The following ARHGAP24 variants were observed in gnomAD, a reference collection of about 807,000 sequenced individuals.
ARHGAP24 encodes Rho GTPase activating protein 24.
Under a neutral mutation model 76.4 loss-of-function variants are expected in ARHGAP24, and 50 were observed. The observed-to-expected ratio is 0.65, with a 90% confidence interval of 0.52 to 0.83. The LOEUF (loss-of-function observed/expected upper bound fraction) is 0.83, where lower values mean the gene tolerates loss of function less well. Among genes scored for constraint, ARHGAP24 ranks in the 40% least tolerant of loss-of-function variants. ARHGAP24 has a pLI of 0.00. For missense variants in ARHGAP24, 930 were observed against 914.2 expected, an observed-to-expected ratio of 1.02 and a Z score of -0.22; for synonymous variants, 345 against 323.3, an observed-to-expected ratio of 1.07 and a Z score of -0.72.
At chr4:85,678,067 T>A (rs534361993) in intron 2 of ARHGAP24, among the ~76,000 whole-genome samples, 1 of 149,356 alleles carries the variant, frequency 6.7e-6, no homozygotes, top group Admixed American at 6.7e-5. Flanking sequence ...AGGAAAAAAA[T>A]TTTAAAAAAA....
In ARHGAP24 at chr4:85,477,443, G is replaced by A. The variant is rs532290183; in HGVS notation, c.-21+1884G>A. Among the ~76,000 whole-genome samples, 13 of 152,328 alleles carry A rather than the reference G, an allele frequency of 8.5e-5. No individual in the cohort carries two copies. The South Asian group carries it at 2.3e-3, about 27-fold the overall frequency. On this transcript the variant is annotated intron_variant, in intron 1 of 9. Transcript: ENST00000395184. ...AATCCACTGCAGAACAAATGGCAATGCATTCTTCCAGACTAGAACATAGAT... is the reference window on the plus strand; with the variant it reads ...AATCCACTGCAGAACAAATGGCAATACATTCTTCCAGACTAGAACATAGAT...
Position 85,929,128 on chromosome 4 carries a change from A to T in ARHGAP24, c.391+5358A>T, listed in dbSNP as rs1348725395. Among the ~76,000 whole-genome samples the T allele has an allele frequency of 2.0e-5, 3 of 152,212 alleles. No homozygotes were observed. The East Asian group carries it at 5.8e-4, about 29-fold the overall frequency. ...TTCCCTGTAGATCAGTGTTCAGGTC[A>T]GTGGATTTTTCTATTGGCTGAAGTG... On this transcript the variant is annotated intron_variant, in intron 4 of 9. Coordinates refer to ENST00000395184, the MANE Select transcript of ARHGAP24 (RefSeq NM_001025616.3).
intron 2 of ARHGAP24, among the ~76,000 whole-genome samples, chr4:85,691,866 T>C (rs537854709): frequency 2.4e-4 from 36 of 152,342 alleles, no homozygotes; most frequent in Admixed American, 2.3e-3. Context: ...ATGTAAAGTT[T>C]TGATCCTGTC....
chr4:85,906,296 G>A (rs563763928), intron 3 of ARHGAP24, among the ~76,000 whole-genome samples: 1 of 152,284 alleles, frequency 6.6e-6, no homozygotes, highest in Non-Finnish European at 1.5e-5. Context: ...GGACACCCAT[G>A]TCATATGGCT....
intron 1 of ARHGAP24, among the ~76,000 whole-genome samples, chr4:85,502,529 T>C (rs540576670): frequency 3.3e-5 from 5 of 152,198 alleles, no homozygotes; most frequent in Admixed American, 2.6e-4. Flanking sequence ...CTGTCTGTTA[T>C]TGGTGTATAG....
chr4:85,883,542 G>A (rs1733381689), intron 3 of ARHGAP24, among the ~76,000 whole-genome samples: 2 of 152,112 alleles, frequency 1.3e-5, no homozygotes, highest in Admixed American at 6.5e-5. Flanking sequence ...TGTGCAGGGG[G>A]TAGAGTACAT....
intron 1 of ARHGAP24, among the ~76,000 whole-genome samples, chr4:85,477,221 G>T (rs557163809): frequency 3.8e-4 from 58 of 152,264 alleles, no homozygotes; most frequent in Admixed American, 3.7e-3. Flanking sequence ...TCTGCATGTG[G>T]AGGGGCTGTT....
chr4:85,973,833 G>GTTTTTTTTTTTTTTTTTTTTTTTT (rs1199796194), intron 6 of ARHGAP24, among the ~76,000 whole-genome samples: 1 of 42,820 alleles, frequency 2.3e-5, no homozygotes, highest in African/African-American at 1.1e-4. Flanking sequence ...GCTGCCTATT[G>GTTTTTTTTTTTTTTTTTTTTTTTT]TTTTTTTTTT....
At chr4:85,479,341 A>C (rs747277416) in intron 1 of ARHGAP24, among the ~76,000 whole-genome samples, 6 of 152,226 alleles carry the variant, frequency 3.9e-5, no homozygotes, top group Non-Finnish European at 8.8e-5. Context: ...CTTGAGTTTA[A>C]AGAAAATAGA....
intron 2 of ARHGAP24, among the ~76,000 whole-genome samples, chr4:85,640,877 T>A (rs945102496): frequency 6.6e-6 from 1 of 151,854 alleles, no homozygotes; most frequent in African/African-American, 2.4e-5. Context: ...CAAAAAGTAT[T>A]TATATTGATA....
chr4:85,819,785 T>TG (rs907060513), intron 3 of ARHGAP24, among the ~76,000 whole-genome samples: 1 of 152,006 alleles, frequency 6.6e-6, no homozygotes, highest in Non-Finnish European at 1.5e-5. Flanking sequence ...CTGGGCGTGG[T>TG]GGTACGCACC....
intron 4 of ARHGAP24, among the ~76,000 whole-genome samples, chr4:85,934,851 C>T (rs1736540119): frequency 6.6e-6 from 1 of 152,208 alleles, no homozygotes; most frequent in South Asian, 2.1e-4. Context: ...GATTCTTGGC[C>T]ACTGTATCCT....
intron 3 of ARHGAP24, chr4:85,723,191 C>T (rs1725025288): frequency 6.6e-6 from 1 of 152,206 alleles, no homozygotes; most frequent in Non-Finnish European, 1.5e-5. Context: ...AATGTCTTTT[C>T]CGATTTATTC....
chr4:85,651,144 G>C (rs1238349788), intron 2 of ARHGAP24, among the ~76,000 whole-genome samples: 1 of 149,196 alleles, frequency 6.7e-6, no homozygotes, highest in Non-Finnish European at 1.5e-5. Context: ...TAAACAGGAC[G>C]GGGGAGAGGC....
chr4:85,933,086 T>G (rs1003243032), intron 4 of ARHGAP24, among the ~76,000 whole-genome samples: 17 of 152,172 alleles, frequency 1.1e-4, no homozygotes, highest in Non-Finnish European at 2.4e-4. Flanking sequence ...TGTGCTTTAT[T>G]TAATCTCCTG....
At chr4:85,514,047 T>G (rs1242178627) in intron 1 of ARHGAP24, among the ~76,000 whole-genome samples, 1 of 152,214 alleles carries the variant, frequency 6.6e-6, no homozygotes, top group Non-Finnish European at 1.5e-5. Flanking sequence ...CTTTTGAAAG[T>G]CTTTGTGGAA....
At chr4:85,501,406 T>C (rs997558226) in intron 1 of ARHGAP24, among the ~76,000 whole-genome samples, 7 of 152,366 alleles carry the variant, frequency 4.6e-5, no homozygotes, top group African/African-American at 1.2e-4. Context: ...GACTTTTTGA[T>C]GATGGCCATT....
chr4:85,851,768 A>G (rs1366600958), intron 3 of ARHGAP24, among the ~76,000 whole-genome samples: 1 of 152,158 alleles, frequency 6.6e-6, no homozygotes, highest in Non-Finnish European at 1.5e-5. Flanking sequence ...AGAATGTTGA[A>G]TATTGGCCCC....
At chr4:85,813,913 A>G (rs1475435389) in intron 3 of ARHGAP24, among the ~76,000 whole-genome samples, 1 of 150,980 alleles carries the variant, frequency 6.6e-6, no homozygotes, top group Non-Finnish European at 1.5e-5. Flanking sequence ...TGGGCAATTT[A>G]CAAAACAAAA....
Sources: gnomAD v4.1 joint callset for allele counts (sites outside exome capture counted in the v4.1 genomes callset) on GRCh38, gnomAD v4.1.1 for gene constraint, MANE v1.5 for transcripts, NCBI Gene and HGNC (gene_info 2026-07-23, HGNC 2026-07-21) for gene names.